Variants in NEGR1 observed in about 807,000 individuals in gnomAD.
NEGR1 encodes neuronal growth regulator 1, also known as IgLON family member 4.
NEGR1 carries 10 observed loss-of-function variants against 40.9 expected under a neutral mutation model. The ratio of observed to expected loss-of-function variants is 0.24; its 90% CI spans 0.15 to 0.42. The LOEUF (loss-of-function observed/expected upper bound fraction) is 0.42. Among genes scored for constraint, NEGR1 ranks in the 10% least tolerant of loss-of-function variants. NEGR1 has a pLI of 1.00. For synonymous variants in NEGR1, 185 were observed against 166.8 expected (o/e 1.11, Z -0.84); for missense variants, 352 against 438.9 (o/e 0.80, Z 1.77).
intron 4 of NEGR1, among the ~76,000 whole-genome samples, chr1:71,684,198 AG>A (rs1326785615): frequency 1.7e-4 from 26 of 152,040 alleles, no homozygotes; most frequent in African/African-American, 2.9e-4. Flanking sequence ...TGAACCCGGG[AG>A]GGCGGAGCTT....
At chr1:71,983,037 C>T (rs1646366987) in intron 1 of NEGR1, among the ~76,000 whole-genome samples, 1 of 151,924 alleles carries the variant, frequency 6.6e-6, no homozygotes, top group African/African-American at 2.4e-5. Flanking sequence ...CACATGCTAC[C>T]TGGATTTAAT....
chr1:72,232,065 A>G (rs1557589834), intron 1 of NEGR1, among the ~76,000 whole-genome samples: 1 of 152,018 alleles, frequency 6.6e-6, no homozygotes, highest in East Asian at 1.9e-4. Flanking sequence ...TTATTTTAAG[A>G]AGCTTTGGGG....
At position 71,401,824 on chromosome 1, in the gene NEGR1, C is replaced by G. The variant is rs1446529920; in HGVS notation, c.*5622G>C. ...CATGCGATTATGACAAGATTCTCCACTTGGTGTGACCAGTCTCATACAACC... is the reference window on the plus strand; with the variant it reads ...CATGCGATTATGACAAGATTCTCCAGTTGGTGTGACCAGTCTCATACAACC... On this transcript the variant is annotated 3_prime_UTR_variant, in exon 7 of 7. Coordinates refer to ENST00000357731, the MANE Select transcript of NEGR1 (RefSeq NM_173808.3). 1 of 152,180 alleles carries G rather than the reference C, an allele frequency of 6.6e-6. No homozygotes were observed. Among genetic ancestry groups the G allele is most frequent in the Non-Finnish European group, 1.5e-5 (1 of 68,032 alleles). 9.4% of individuals were successfully genotyped at this position (152,180 alleles called of 1,614,324 possible). A position where few individuals can be genotyped will look rare whatever the true frequency, so the allele number is the denominator to read the frequency against.
rs1646908283 is a variant in NEGR1, at chr1:71,489,192, C to T, written c.941-81622G>A. On this transcript the variant is annotated intron_variant, in intron 6 of 6. Coordinates refer to ENST00000357731, the MANE Select transcript of NEGR1 (RefSeq NM_173808.3). ...TCTCTGTCTCAGGCAACTTAGGGAG[C>T]AGGAATAATGGCATATATTCAGCGA... Among the ~76,000 whole-genome samples the T allele has an allele frequency of 2.0e-5, 3 of 151,774 alleles. No homozygotes were observed. The South Asian group carries it at 6.2e-4, about 32-fold the overall frequency.
In NEGR1 at chr1:72,156,421, TAGAA is replaced by T. The variant is rs1651359154; in HGVS notation, c.176+125894_176+125897del. 3.3e-5 allele frequency among the ~76,000 whole-genome samples: 5 copies of T among 152,262 alleles called. No homozygotes were observed. The Middle Eastern group carries it at 0.014, about 414-fold the overall frequency. On this transcript the variant is annotated intron_variant, in intron 1 of 6. Coordinates refer to ENST00000357731, the MANE Select transcript of NEGR1 (RefSeq NM_173808.3). ...ACACAAACCACATTTTTGAAAGCAG[TAGAA>T]AGAATCATCTAATTTCTATTAGTTT...
At chr1:72,257,383 G>A (rs1655310211) in intron 1 of NEGR1, among the ~76,000 whole-genome samples, 1 of 148,260 alleles carries the variant, frequency 6.7e-6, no homozygotes. Context: ...AAGGTTAGAT[G>A]AGAACTGAGG....
At chr1:71,657,730 C>T (rs1385362244) in intron 4 of NEGR1, among the ~76,000 whole-genome samples, 1 of 152,144 alleles carries the variant, frequency 6.6e-6, no homozygotes, top group Non-Finnish European at 1.5e-5. Context: ...GTTTGATCCT[C>T]CCTGGTGACT....
At chr1:71,673,807 T>TC (rs1652519090) in intron 4 of NEGR1, among the ~76,000 whole-genome samples, 1 of 151,424 alleles carries the variant, frequency 6.6e-6, no homozygotes, top group Admixed American at 6.6e-5. Flanking sequence ...GATATTTTTT[T>TC]TTACTAACGA....
At chr1:71,767,001 C>T (rs1570318232) in intron 3 of NEGR1, among the ~76,000 whole-genome samples, 2 of 152,282 alleles carry the variant, frequency 1.3e-5, no homozygotes, top group Admixed American at 6.5e-5. Context: ...GTACAGCCTG[C>T]AGAACAAGGA....
chr1:72,168,534 G>T (rs1268947622), intron 1 of NEGR1, among the ~76,000 whole-genome samples: 1 of 151,772 alleles, frequency 6.6e-6, no homozygotes, highest in Non-Finnish European at 1.5e-5. Context: ...ATCTTTTTCA[G>T]GCCAAAGGAA....
rs1318249991 is a variant in NEGR1, at chr1:72,274,801, G to A, written c.176+7518C>T. On this transcript the variant is annotated intron_variant, in intron 1 of 6. Coordinates refer to ENST00000357731, the MANE Select transcript of NEGR1 (RefSeq NM_173808.3). Reference sequence around the variant, plus strand: ...CCCCAGCTGTGTAAAAGATCGGGTAGAAAAAGTGGGCCAGGTGATCAGAGT... The same window carrying A: ...CCCCAGCTGTGTAAAAGATCGGGTAAAAAAAGTGGGCCAGGTGATCAGAGT... 3 of 1,469,716 alleles carry A rather than the reference G, an allele frequency of 2.0e-6. No individual in the cohort carries two copies. The Admixed American group carries it at 5.0e-5, about 25-fold the overall frequency. The allele number at this position is 1,469,716 out of a possible 1,614,324, so 91.0% of individuals were successfully genotyped here.
intron 3 of NEGR1, among the ~76,000 whole-genome samples, chr1:71,765,686 A>G (rs1656096682): frequency 6.6e-6 from 1 of 152,126 alleles, no homozygotes; most frequent in African/African-American, 2.4e-5. Flanking sequence ...AGAGGTATCT[A>G]TATGGTTTGT....
In NEGR1 at chr1:71,451,851, C is replaced by T. The variant is rs577354140; in HGVS notation, c.941-44281G>A. Among the ~76,000 whole-genome samples, 3 of 152,216 alleles carry T rather than the reference C, an allele frequency of 2.0e-5. No individual in the cohort carries two copies. In the East Asian group the frequency reaches 5.8e-4, roughly 29 times the overall value. ...CTATTGTATATTCAAGTACATATTCCTGAAAACAATGAATCCCAAGTGGAA... is the reference window on the plus strand; with the variant it reads ...CTATTGTATATTCAAGTACATATTCTTGAAAACAATGAATCCCAAGTGGAA... On this transcript the variant is annotated intron_variant, in intron 6 of 6. Coordinates refer to ENST00000357731, the MANE Select transcript of NEGR1 (RefSeq NM_173808.3).
chr1:71,472,949 A>G (rs1227721000), intron 6 of NEGR1, among the ~76,000 whole-genome samples: 3 of 152,126 alleles, frequency 2.0e-5, no homozygotes, highest in Non-Finnish European at 4.4e-5. Flanking sequence ...CTATGAAACA[A>G]TGGGACAGAA....
intron 2 of NEGR1, among the ~76,000 whole-genome samples, chr1:71,861,716 G>T (rs1290896499): frequency 6.6e-6 from 1 of 152,084 alleles, no homozygotes; most frequent in Non-Finnish European, 1.5e-5. Flanking sequence ...TATTACAGGG[G>T]AGACATGAGT....
chr1:72,270,303 C>T (rs1304921420), intron 1 of NEGR1, among the ~76,000 whole-genome samples: 1 of 151,948 alleles, frequency 6.6e-6, no homozygotes, highest in Non-Finnish European at 1.5e-5. Flanking sequence ...AAACACTATG[C>T]TATGCATTTT....
chr1:71,856,189 A>C (rs1659755039), intron 2 of NEGR1, among the ~76,000 whole-genome samples: 1 of 152,092 alleles, frequency 6.6e-6, no homozygotes, highest in Admixed American at 6.6e-5. Flanking sequence ...GTCTAGTGAT[A>C]AGACAGTCAT....
intron 1 of NEGR1, chr1:72,275,094 G>C: frequency 1.1e-6 from 1 of 893,646 alleles, no homozygotes; most frequent in South Asian, 1.3e-5. Flanking sequence ...TCCTGATACC[G>C]AAAGACTTGG....
chr1:71,534,002 T>C (rs935488123), intron 6 of NEGR1, among the ~76,000 whole-genome samples: 1 of 151,672 alleles, frequency 6.6e-6, no homozygotes, highest in Non-Finnish European at 1.5e-5. Flanking sequence ...AAAACCAGAT[T>C]AGATTCTTAA....
Sources: allele counts gnomAD v4.1 joint callset (sites outside exome capture counted in the v4.1 genomes callset), GRCh38; gene constraint gnomAD v4.1.1; transcripts MANE v1.5; gene names NCBI Gene and HGNC (gene_info 2026-07-23, HGNC 2026-07-21).